The following PPP4R3A variants were observed in gnomAD, a reference collection of about 807,000 sequenced individuals.
PPP4R3A encodes the protein protein phosphatase 4 regulatory subunit 3A.
In PPP4R3A, 15 loss-of-function variants were observed where a neutral mutation model predicts 91.7. The ratio of observed to expected loss-of-function variants is 0.16; its 90% CI spans 0.11 to 0.25. PPP4R3A has a LOEUF of 0.25. PPP4R3A is among the 10% of genes least tolerant of loss of function. The probability of loss-of-function intolerance (pLI) is 1.00; values close to 1 mark genes in which losing one functional copy is unlikely to be tolerated. For missense variants in PPP4R3A, 623 were observed against 998.4 expected, an observed-to-expected ratio of 0.62 and a Z score of 5.07; for synonymous variants, 377 against 348.7, an observed-to-expected ratio of 1.08 and a Z score of -0.91.
In PPP4R3A at chr14:91,499,457, A is replaced by G. The variant is rs574064176; in HGVS notation, c.143-8655T>C. Among the ~76,000 whole-genome samples the G allele has an allele frequency of 3.8e-4, 58 of 152,238 alleles. No individual in the cohort carries two copies. The South Asian group carries it at 8.7e-3, about 23-fold the overall frequency. On this transcript the variant is annotated intron_variant, in intron 1 of 14. Coordinates refer to ENST00000554943, the MANE Select transcript of PPP4R3A (RefSeq NM_001366432.2). Reference sequence around the variant, plus strand: ...ATTAATTGATGTCCCAAATATACTGATAATAGAGGTGTTTACAATTAGGAA... The same window carrying G: ...ATTAATTGATGTCCCAAATATACTGGTAATAGAGGTGTTTACAATTAGGAA...
Position 91,465,295 on chromosome 14 carries a change from A to G in PPP4R3A, c.1785T>C (p.Asn595=). The G allele has an allele frequency of 6.2e-7, 1 of 1,605,232 alleles. No homozygotes were observed. The highest frequency in any genetic ancestry group is 1.7e-5 in the Admixed American group (1 of 57,438). Reference sequence around the variant, plus strand: ...TCTCTATTATGGCAGAGTTCATCAGATTGTAGCGGGATCCATTGTTGAGAA... The same window carrying G: ...TCTCTATTATGGCAGAGTTCATCAGGTTGTAGCGGGATCCATTGTTGAGAA... ...KAFLNNGSRY[N]LMNSAIIEMF... The change falls in exon 11 of 15, where the codon AAT becomes AAC. Residue 595 remains asparagine, a synonymous_variant. Coordinates refer to ENST00000554943, the MANE Select transcript of PPP4R3A (RefSeq NM_001366432.2).
At chr14:91,495,507 T>C (rs907303658) in intron 1 of PPP4R3A, among the ~76,000 whole-genome samples, 3 of 151,908 alleles carry the variant, frequency 2.0e-5, no homozygotes, top group Non-Finnish European at 4.4e-5. Flanking sequence ...AATAGATTAG[T>C]GGTTGTTTAG....
rs1595100516 is a variant in PPP4R3A at position 91,509,960 on chromosome 14, G to A, written c.-313C>T. On this transcript the variant is annotated 5_prime_UTR_variant, in exon 1 of 15. Transcript: ENST00000554943. ...CCGCCCCGCAGCGCTAGGAACTCGG[G>A]GCTCCCGTCACTGCCCTGCTCCCGC... is the stretch of plus-strand genomic sequence containing the variant. 6 of 1,016,896 alleles carry A rather than the reference G, an allele frequency of 5.9e-6. No homozygotes were observed. The highest frequency in any genetic ancestry group is 7.0e-6 in the Non-Finnish European group (6 of 851,110). The allele number at this position is 1,016,896 out of a possible 1,614,324, so 63.0% of individuals were successfully genotyped here. A position where few individuals can be genotyped will look rare whatever the true frequency, so the allele number is the denominator to read the frequency against.
rs1271878301 is a variant in PPP4R3A, at chr14:91,461,603, T to G, written c.2169A>C (p.Lys723Asn). ...GAAGCACTTCCTTTTCCTCACTTTC[T>G]TTTACTAAAAATGAGAATACTGTCA... The part of the protein sequence containing the change: ...ISKFMERKKL[K>N]ESEEKEVLLK... The change falls in exon 14 of 15, where the codon AAA becomes AAC. Residue 723 changes from lysine to asparagine, a missense_variant. Physicochemically the swap from Lys to Asn is moderately conservative, Grantham distance 94. Around this residue, in one of 5 missense-constraint regions of PPP4R3A, gnomAD observed 201 missense variants for 229.9 expected, o/e 0.87. Coordinates refer to ENST00000554943, the MANE Select transcript of PPP4R3A (RefSeq NM_001366432.2). 1.4e-5 allele frequency: 23 copies of G among 1,613,432 alleles called. No homozygotes were observed. The highest frequency in any genetic ancestry group is 1.9e-5 in the Non-Finnish European group (23 of 1,179,678).
chr14:91,482,739 T>C (rs1021562512), intron 3 of PPP4R3A, among the ~76,000 whole-genome samples: 9 of 152,138 alleles, frequency 5.9e-5, no homozygotes, highest in African/African-American at 1.7e-4. Context: ...CATCAATTGA[T>C]TGTAGAAACC....
chr14:91,507,398 C>CTATAAAGTATA (rs1566660256), intron 1 of PPP4R3A, among the ~76,000 whole-genome samples: 1 of 43,352 alleles, frequency 2.3e-5, no homozygotes, highest in Non-Finnish European at 7.0e-5. Flanking sequence ...AGTATATGTA[C>CTATAAAGTATA]TATAATTATA....
chr14:91,474,885 T>A (rs1295309225), intron 7 of PPP4R3A: 1 of 152,214 alleles, frequency 6.6e-6, no homozygotes, highest in Non-Finnish European at 1.5e-5. Flanking sequence ...CAGTTCAAAC[T>A]GGTGCTTTTT....
intron 1 of PPP4R3A, among the ~76,000 whole-genome samples, chr14:91,499,814 C>A (rs1890825237): frequency 1.0e-5 from 1 of 97,288 alleles, no homozygotes; most frequent in Non-Finnish European, 2.2e-5. Context: ...GAGCGAGACT[C>A]CACCTCAAAA....
Position 91,509,749 on chromosome 14 carries a change from G to A in PPP4R3A, c.-102C>T, listed in dbSNP as rs918668776. 12 of 1,364,336 alleles carry A rather than the reference G, an allele frequency of 8.8e-6. No individual in the cohort carries two copies. Among genetic ancestry groups the A allele is most frequent in the South Asian group, 1.7e-5 (1 of 60,250 alleles). The allele number at this position is 1,364,336 out of a possible 1,614,324, so 84.5% of individuals were successfully genotyped here. ...GGCGTGAGGGCGCCCGCGAGCGGAG[G>A]GCTCCCCGGCCTCACTGCCGCCGCT... On this transcript the variant is annotated 5_prime_UTR_variant, in exon 1 of 15. Transcript: ENST00000554943.
intron 1 of PPP4R3A, among the ~76,000 whole-genome samples, chr14:91,492,077 A>G (rs1890261025): frequency 6.6e-6 from 1 of 152,218 alleles, no homozygotes; most frequent in Non-Finnish European, 1.5e-5. Flanking sequence ...ACTGGGTAAC[A>G]ATAGAAATCT....
intron 3 of PPP4R3A, among the ~76,000 whole-genome samples, chr14:91,484,019 A>G (rs1449992070): frequency 1.3e-5 from 2 of 152,210 alleles, no homozygotes; most frequent in African/African-American, 4.8e-5. Flanking sequence ...ATTTGTCTGA[A>G]TAACAGATGC....
chr14:91,461,056 G>C (rs1241872078), intron 14 of PPP4R3A, among the ~76,000 whole-genome samples: 1 of 152,194 alleles, frequency 6.6e-6, no homozygotes, highest in Non-Finnish European at 1.5e-5. Context: ...CTGGGTATTA[G>C]TTAGGAACAT....
At chr14:91,489,410 G>T (rs1388991294) in intron 2 of PPP4R3A, among the ~76,000 whole-genome samples, 1 of 152,180 alleles carries the variant, frequency 6.6e-6, no homozygotes, top group African/African-American at 2.4e-5. Flanking sequence ...CTTTGTGGCT[G>T]ATGCTTAAGT....
intron 1 of PPP4R3A, among the ~76,000 whole-genome samples, chr14:91,507,462 A>C (rs1891434139): frequency 7.3e-6 from 1 of 137,764 alleles, no homozygotes; most frequent in Non-Finnish European, 1.5e-5. Context: ...TATATATACT[A>C]TAATTATATA....
chr14:91,493,600 T>C (rs1466986524), intron 1 of PPP4R3A, among the ~76,000 whole-genome samples: 4 of 149,170 alleles, frequency 2.7e-5, no homozygotes, highest in Admixed American at 1.3e-4. Context: ...GTCTCATATA[T>C]AGGATGGTGA....
intron 1 of PPP4R3A, among the ~76,000 whole-genome samples, chr14:91,508,854 T>G (rs142549328): frequency 6.6e-6 from 1 of 152,194 alleles, no homozygotes; most frequent in Admixed American, 6.5e-5. Flanking sequence ...ATTCCAACTT[T>G]GCAAGATGTT....
intron 1 of PPP4R3A, among the ~76,000 whole-genome samples, chr14:91,504,870 C>A (rs906320478): frequency 6.6e-6 from 1 of 152,092 alleles, no homozygotes. Context: ...GATTTTTAGA[C>A]GAGCATATAA....
chr14:91,467,635 T>C (rs1054697110), intron 10 of PPP4R3A, among the ~76,000 whole-genome samples: 10 of 152,112 alleles, frequency 6.6e-5, no homozygotes, highest in Admixed American at 5.2e-4. Context: ...GCTAAAGGGC[T>C]ACAATGTAAG....
At chr14:91,495,787 C>T (rs996279438) in intron 1 of PPP4R3A, among the ~76,000 whole-genome samples, 1 of 151,916 alleles carries the variant, frequency 6.6e-6, no homozygotes, top group Non-Finnish European at 1.5e-5. Context: ...AGTGTGGCAG[C>T]GCACGCCTGT....
Sources: gnomAD v4.1 joint callset for allele counts (sites outside exome capture counted in the v4.1 genomes callset) on GRCh38, gnomAD v4.1.1 for gene constraint, gnomAD v4.1.1 regional missense constraint, MANE v1.5 for transcripts, NCBI Gene and HGNC (gene_info 2026-07-23, HGNC 2026-07-21) for gene names.